SEC23IP: variants seen among roughly 807,000 people sequenced by gnomAD.
SEC23IP encodes the protein SEC23-interacting protein.
Under a neutral mutation model 113.4 loss-of-function variants are expected in SEC23IP, and 70 were observed. That is an observed-to-expected ratio of 0.62 (90% CI 0.51 to 0.75). The LOEUF (loss-of-function observed/expected upper bound fraction) is 0.75, where lower values mean the gene tolerates loss of function less well. Ranked by LOEUF, SEC23IP falls within the 30% of genes least tolerant of loss-of-function variation. SEC23IP has a pLI of 0.00. For missense variants in SEC23IP, 1,160 were observed against 1,204.9 expected (o/e 0.96, Z 0.55); for synonymous variants, 398 against 421.0 (o/e 0.95, Z 0.67).
Position 119,902,841 on chromosome 10 carries a change from G to T in SEC23IP, c.739G>T (p.Ala247Ser), listed in dbSNP as rs916068456. The T allele has an allele frequency of 1.2e-6, 2 of 1,614,048 alleles. No individual in the cohort carries two copies. The highest frequency in any genetic ancestry group is 2.7e-5 in the African/African-American group (2 of 74,922). ...GTCACCGGCACAGCAGCAGGTACCT[G>T]CCAGACCTGGGGCTCCCTCTGTTCA... ...VQSPAQQQVP[A>S]RPGAPSVQVP... The change falls in exon 3 of 19, where the codon GCC becomes TCC. Residue 247 changes from alanine (A) to serine (S), a missense_variant. By Grantham distance (99) the Ala-to-Ser change is moderately conservative. Coordinates refer to ENST00000369075, the MANE Select transcript of SEC23IP (RefSeq NM_007190.4).
chr10:119,927,549 A>G (rs1855462397), intron 13 of SEC23IP, among the ~76,000 whole-genome samples: 1 of 152,152 alleles, frequency 6.6e-6, no homozygotes, highest in Admixed American at 6.5e-5. Flanking sequence ...TTATCTCTTA[A>G]TATCATCTTC....
chr10:119,919,316 C>A, intron 10 of SEC23IP, 128 bp from the exon 11 acceptor site: 1 of 855,144 alleles, frequency 1.2e-6, no homozygotes, highest in Non-Finnish European at 1.8e-6. Context: ...CTTTGAATGG[C>A]AAAGTACTGT....
rs147086838 is a variant in SEC23IP at position 119,892,820 on chromosome 10, C to T, written c.38C>T (p.Ala13Val). The change falls in exon 1 of 19, where the codon GCC becomes GTC. Residue 13 changes from alanine (A) to valine (V), a missense_variant. Ala to Val is a moderately conservative substitution (Grantham distance 64). Transcript: ENST00000369075. ...ERKPNGGSGG[A>V]STSSSGTNLL... Reference sequence around the variant, plus strand: ...AAACCTAACGGTGGCAGCGGCGGCGCCTCCACTTCCTCATCGGGCACTAAC... The same window carrying T: ...AAACCTAACGGTGGCAGCGGCGGCGTCTCCACTTCCTCATCGGGCACTAAC... The T allele has an allele frequency of 4.3e-6, 7 of 1,612,936 alleles. No individual in the cohort carries two copies. The highest frequency in any genetic ancestry group is 4.2e-6 in the Non-Finnish European group (5 of 1,179,676).
At chr10:119,894,207 A>G (rs1335319853) in intron 1 of SEC23IP, among the ~76,000 whole-genome samples, 2 of 152,282 alleles carry the variant, frequency 1.3e-5, no homozygotes, top group African/African-American at 4.8e-5. Flanking sequence ...TTTGGACTGC[A>G]GTCTTCTTCA....
intron 5 of SEC23IP, among the ~76,000 whole-genome samples, chr10:119,909,975 G>A (rs1311536527): frequency 6.6e-6 from 1 of 152,194 alleles, no homozygotes; most frequent in Non-Finnish European, 1.5e-5. Context: ...GAAGTTGCTT[G>A]ATAATTTTTT....
chr10:119,909,157 G>A (rs754727749), intron 5 of SEC23IP, 27 bp downstream of exon 5: 3 of 1,437,724 alleles, frequency 2.1e-6, no homozygotes, highest in Admixed American at 2.0e-5. Context: ...AAATTTTAAG[G>A]TATTAAGTTC....
At position 119,904,249 on chromosome 10, in the gene SEC23IP, A is replaced by G; in HGVS notation, c.1073A>G (p.Tyr358Cys). 6.2e-7 allele frequency: 1 copy of G among 1,614,218 alleles called. No homozygotes were observed. The highest frequency in any genetic ancestry group is 8.5e-7 in the Non-Finnish European group (1 of 1,180,026). Residue 358 changes from tyrosine (Y) to cysteine (C), a missense_variant, in exon 4 of 19, where the codon TAT (tyrosine) becomes TGT (cysteine). By Grantham distance (194) the Tyr-to-Cys change is radical. Coordinates refer to ENST00000369075, the MANE Select transcript of SEC23IP (RefSeq NM_007190.4). ...KGDTDSRFIP[Y>C]TEEFSEKLEA... ...GACACAGATAGTCGATTTATTCCCT[A>G]TACTGAGGAGTTCAGTGAAAAACTA... is the stretch of plus-strand genomic sequence containing the variant.
chr10:119,913,415 A>G (rs551207344), intron 6 of SEC23IP, among the ~76,000 whole-genome samples: 9 of 152,296 alleles, frequency 5.9e-5, no homozygotes, highest in Admixed American at 3.9e-4. Flanking sequence ...CTCTGTTACA[A>G]ACTACTCAGC....
At chr10:119,914,464 C>A in intron 6 of SEC23IP, 1 of 430,946 alleles carries the variant, frequency 2.3e-6, no homozygotes, top group South Asian at 2.3e-5. Context: ...TCCATAGATA[C>A]AAACCTGCTG....
At chr10:119,928,158 C>G (rs1036253426) in intron 13 of SEC23IP, among the ~76,000 whole-genome samples, 1 of 152,116 alleles carries the variant, frequency 6.6e-6, no homozygotes, top group Non-Finnish European at 1.5e-5. Context: ...TGGTATCACA[C>G]TGTATTTCTT....
At chr10:119,932,693 A>C (rs896145012) in intron 16 of SEC23IP, among the ~76,000 whole-genome samples, 1 of 152,240 alleles carries the variant, frequency 6.6e-6, no homozygotes, top group African/African-American at 2.4e-5. Context: ...CAGACTTGAC[A>C]TGCAATGTGA....
In SEC23IP at chr10:119,908,492, G is replaced by A. The variant is rs534449333; in HGVS notation, c.1102-549G>A. Among the ~76,000 whole-genome samples the A allele has an allele frequency of 2.2e-4, 33 of 152,292 alleles. 1 individual carries two copies. The South Asian group carries it at 6.8e-3, about 32-fold the overall frequency. ...TAATTAGTTAAGGTGAGGTTTTACT[G>A]GAATAGGATGGGCCCCAAAGCCAAT... On this transcript the variant is annotated intron_variant, in intron 4 of 18. Coordinates refer to ENST00000369075, the MANE Select transcript of SEC23IP (RefSeq NM_007190.4).
Position 119,919,519 on chromosome 10 carries a change from C to T in SEC23IP, c.1948C>T (p.Gln650Ter). 6.2e-7 allele frequency: 1 copy of T among 1,613,506 alleles called. No individual in the cohort carries two copies. The highest frequency in any genetic ancestry group is 8.5e-7 in the Non-Finnish European group (1 of 1,179,694). ...TGAAAATAAAGAAGTCCTAACTTTG[C>T]AAGAAACTCTGGAAGCACTTAGCCT... ...VVENKEVLTL[Q>*]ETLEALSLSE... Residue 650 changes from glutamine to a stop codon, truncating the protein, a stop_gained, in exon 11 of 19, where the codon CAA becomes TAA. Coordinates refer to ENST00000369075, the MANE Select transcript of SEC23IP (RefSeq NM_007190.4). LOFTEE classifies it high-confidence loss of function.
At chr10:119,912,925 G>A (rs934404414) in intron 6 of SEC23IP, among the ~76,000 whole-genome samples, 8 of 152,142 alleles carry the variant, frequency 5.3e-5, no homozygotes, top group African/African-American at 1.9e-4. Flanking sequence ...ATAGGTGTGA[G>A]CCACCGCACC....
In SEC23IP at chr10:119,914,793, T is replaced by TA. The variant is rs1854992928; in HGVS notation, c.1377dup (p.Arg460ThrfsTer3). ...CATGGCATTGGACCTGTGTGTGACT[T>TA]ACGCTTTAGGAGCATTATTGAGTGT... On this transcript the variant is annotated frameshift_variant, in exon 7 of 19. Coordinates refer to ENST00000369075, the MANE Select transcript of SEC23IP (RefSeq NM_007190.4). LOFTEE classifies it high-confidence loss of function. The TA allele has an allele frequency of 1.9e-6, 3 of 1,614,164 alleles. No homozygotes were observed. Among genetic ancestry groups the TA allele is most frequent in the Non-Finnish European group, 2.5e-6 (3 of 1,179,992 alleles).
rs1854361235 is a variant in SEC23IP at position 119,898,514 on chromosome 10, C to T, written c.251C>T (p.Ser84Phe). The T allele has an allele frequency of 6.2e-7, 1 of 1,614,152 alleles. No individual in the cohort carries two copies. The highest frequency in any genetic ancestry group is 8.5e-7 in the Non-Finnish European group (1 of 1,180,042). The change falls in exon 2 of 19, where the codon TCT becomes TTT. Residue 84 changes from serine to phenylalanine, a missense_variant. Transcript: ENST00000369075. ...GCCCCACAGACATTTAGTTACTTCTCTCAGGTATCAAGCAGCAGTGATCCT... is the reference window on the plus strand; with the variant it reads ...GCCCCACAGACATTTAGTTACTTCTTTCAGGTATCAAGCAGCAGTGATCCT... ...TSAPQTFSYF[S>F]QVSSSSDPFG... is the part of the protein sequence containing the mutation.
At chr10:119,921,093 C>A in intron 12 of SEC23IP, 109 bp downstream of exon 12, 1 of 698,756 alleles carries the variant, frequency 1.4e-6, no homozygotes, top group East Asian at 2.8e-5. Context: ...AGTTTGCTCC[C>A]TACCTAGGGC....
At chr10:119,919,841 A>G (rs1486690515) in intron 11 of SEC23IP, among the ~76,000 whole-genome samples, 1 of 152,228 alleles carries the variant, frequency 6.6e-6, no homozygotes, top group Non-Finnish European at 1.5e-5. Context: ...AACAACATCT[A>G]AAGGCCAGTG....
chr10:119,913,219 A>G (rs982420093), intron 6 of SEC23IP, among the ~76,000 whole-genome samples: 1 of 136,848 alleles, frequency 7.3e-6, no homozygotes, highest in African/African-American at 2.8e-5. Flanking sequence ...TACACATACC[A>G]CATAGTATAG....
Sources: allele counts gnomAD v4.1 joint callset (sites outside exome capture counted in the v4.1 genomes callset), GRCh38; gene constraint gnomAD v4.1.1; transcripts MANE v1.5; gene names NCBI Gene and HGNC (gene_info 2026-07-23, HGNC 2026-07-21).